DGKD: variants seen among roughly 807,000 people sequenced by gnomAD.
The protein encoded by DGKD is DAG kinase delta.
DGKD carries 68 observed loss-of-function variants against 154.4 expected under a neutral mutation model. That is an observed-to-expected ratio of 0.44 (90% CI 0.36 to 0.54). DGKD has a LOEUF of 0.54. DGKD is among the 20% of genes least tolerant of loss of function. The probability of loss-of-function intolerance (pLI) is 0.00; values close to 1 mark genes in which losing one functional copy is unlikely to be tolerated. For synonymous variants in DGKD, 693 were observed against 638.0 expected (o/e 1.09, Z -1.30); for missense variants, 1,343 against 1,593.6 (o/e 0.84, Z 2.68).
intron 2 of DGKD, 77 bp downstream of exon 2, chr2:233,388,444 C>T: frequency 7.2e-7 from 1 of 1,391,488 alleles, no homozygotes; most frequent in Non-Finnish European, 9.8e-7. Flanking sequence ...GGTGCTGAGT[C>T]CTTGTGTGGG....
At chr2:233,380,749 G>T (rs77644083) in intron 1 of DGKD, among the ~76,000 whole-genome samples, 3,871 of 152,274 alleles carry the variant, frequency 0.025, 85 homozygotes, top group Middle Eastern at 0.041. Flanking sequence ...AGGAAAGTGG[G>T]TGTGAACTCC....
chr2:233,394,690 C>CTTTTTT lies in DGKD; in HGVS notation c.348+4207_348+4208insTTTTTT, dbSNP rs1703879704. Among the ~76,000 whole-genome samples, 113 of 83,228 alleles carry CTTTTTT rather than the reference C, an allele frequency of 1.4e-3. 12 individuals are homozygous for CTTTTTT. The highest frequency in any genetic ancestry group is 3.6e-3 in the African/African-American group (82 of 22,676). 54.6% of individuals were successfully genotyped at this position (83,228 alleles called of 152,430 possible). A position where few individuals can be genotyped will look rare whatever the true frequency, so the allele number is the denominator to read the frequency against. ...TTCCTTATTATTTTGAATTTAATTCCCTTTTTTTTTTTTTTTTTTTTTTTT... is the reference window on the plus strand; with the variant it reads ...TTCCTTATTATTTTGAATTTAATTCCTTTTTTCTTTTTTTTTTTTTTTTTTTTTTTT... On this transcript the variant is annotated intron_variant, in intron 3 of 29. Coordinates refer to ENST00000264057, the MANE Select transcript of DGKD (RefSeq NM_152879.3).
intron 18 of DGKD, among the ~76,000 whole-genome samples, chr2:233,453,858 A>T (rs2063371286): frequency 6.6e-6 from 1 of 152,216 alleles, no homozygotes; most frequent in Non-Finnish European, 1.5e-5. Context: ...CGTCTGTCGC[A>T]CACGGGGAAA....
chr2:233,383,937 A>T (rs1384716143), intron 1 of DGKD, among the ~76,000 whole-genome samples: 1 of 152,194 alleles, frequency 6.6e-6, no homozygotes, highest in African/African-American at 2.4e-5. Context: ...CAGGTGAATG[A>T]TGGAGGGGAG....
intron 3 of DGKD, among the ~76,000 whole-genome samples, chr2:233,401,188 TG>T (rs1394811571): frequency 6.6e-6 from 1 of 152,012 alleles, no homozygotes; most frequent in East Asian, 1.9e-4. Flanking sequence ...ATCTGAGAAA[TG>T]GGGCTAGTAA....
At chr2:233,385,254 T>C (rs960408676) in intron 1 of DGKD, among the ~76,000 whole-genome samples, 6 of 152,202 alleles carry the variant, frequency 3.9e-5, no homozygotes, top group African/African-American at 1.4e-4. Context: ...GTCTTGGACC[T>C]GTGGGCTGGG....
chr2:233,412,813 CA>C (rs959099764), intron 3 of DGKD, among the ~76,000 whole-genome samples: 2 of 152,122 alleles, frequency 1.3e-5, no homozygotes, highest in Non-Finnish European at 2.9e-5. Context: ...TGAATTTTGT[CA>C]AATGCTTTTC....
intron 7 of DGKD, among the ~76,000 whole-genome samples, chr2:233,436,906 G>A (rs2062716452): frequency 6.6e-6 from 1 of 152,238 alleles, no homozygotes; most frequent in Non-Finnish European, 1.5e-5. Context: ...GTGGTGAGAT[G>A]TGCTTCCAGG....
At chr2:233,462,138 C>T (rs1038776699) in intron 24 of DGKD, among the ~76,000 whole-genome samples, 8 of 152,218 alleles carry the variant, frequency 5.3e-5, no homozygotes, top group African/African-American at 1.2e-4. Flanking sequence ...TCAGATTTCT[C>T]GTGGAAGCCC....
chr2:233,433,483 CA>C (rs958201329), intron 3 of DGKD, among the ~76,000 whole-genome samples: 2 of 151,368 alleles, frequency 1.3e-5, no homozygotes, highest in African/African-American at 4.9e-5. Flanking sequence ...TTAATAGGTA[CA>C]AAAATGTAGT....
chr2:233,468,326 C>A, intron 28 of DGKD, 97 bp from the exon 29 acceptor site: 2 of 1,492,878 alleles, frequency 1.3e-6, no homozygotes, highest in South Asian at 1.2e-5. Context: ...CGTCTCCTGT[C>A]CTGGCACTGG....
At chr2:233,429,020 C>A in intron 3 of DGKD, 1 of 654,606 alleles carries the variant, frequency 1.5e-6, no homozygotes, top group Non-Finnish European at 1.9e-6. Flanking sequence ...TCTTAACTCA[C>A]TGTCTTTAAA....
chr2:233,433,345 G>C (rs2062590378), intron 3 of DGKD, among the ~76,000 whole-genome samples: 1 of 151,730 alleles, frequency 6.6e-6, no homozygotes, highest in Non-Finnish European at 1.5e-5. Context: ...AGCACAGAAA[G>C]ACAAACTTCA....
Position 233,438,177 on chromosome 2 carries a change from C to T in DGKD, c.923-40C>T, listed in dbSNP as rs756637814. On this transcript the variant is annotated intron_variant, in intron 8 of 29. Coordinates refer to ENST00000264057, the MANE Select transcript of DGKD (RefSeq NM_152879.3). This position sits in a 1 kb window ranked among gnomAD's most constrained non-coding sequence, Gnocchi z 4.1. Reference sequence around the variant, plus strand: ...CATCAGTGGTGCCCTCAGCGTCTTCCGTGGCCTATATATTTTCTTCTGTTC... The same window carrying T: ...CATCAGTGGTGCCCTCAGCGTCTTCTGTGGCCTATATATTTTCTTCTGTTC... 3.7e-6 allele frequency: 6 copies of T among 1,604,652 alleles called. No homozygotes were observed. The highest frequency in any genetic ancestry group is 4.5e-5 in the East Asian group (2 of 44,688).
chr2:233,369,742 T>C (rs1702217154), intron 1 of DGKD, among the ~76,000 whole-genome samples: 1 of 152,182 alleles, frequency 6.6e-6, no homozygotes, highest in African/African-American at 2.4e-5. Flanking sequence ...TCTCTGCTGC[T>C]CTGGGCGGGC....
At chr2:233,465,356 C>T (rs563666077) in intron 27 of DGKD, among the ~76,000 whole-genome samples, 1 of 152,260 alleles carries the variant, frequency 6.6e-6, no homozygotes, top group African/African-American at 2.4e-5. Flanking sequence ...GGGAAGAGGA[C>T]ATGGACGGGG....
At chr2:233,450,772 C>G (rs1233666851) in intron 16 of DGKD, 150 bp from the exon 17 acceptor site, 1 of 979,512 alleles carries the variant, frequency 1.0e-6, no homozygotes, top group Non-Finnish European at 1.5e-6. Flanking sequence ...TCCTCCGCCC[C>G]CTTCTTTGTC....
intron 3 of DGKD, among the ~76,000 whole-genome samples, chr2:233,401,383 G>A (rs55865137): frequency 0.31 from 47,537 of 152,024 alleles, 8,412 homozygotes; most frequent in Middle Eastern, 0.44. Flanking sequence ...TTTTCTTCTA[G>A]TTTGGTGTAC....
intron 12 of DGKD, among the ~76,000 whole-genome samples, chr2:233,447,048 G>A (rs372363576): frequency 6.6e-6 from 1 of 152,184 alleles, no homozygotes; most frequent in Non-Finnish European, 1.5e-5. Flanking sequence ...GTGGTGGGGT[G>A]GTCCTCCTAA....
Sources: gnomAD v4.1 joint callset for allele counts (sites outside exome capture counted in the v4.1 genomes callset) on GRCh38, gnomAD v4.1.1 for gene constraint, Gnocchi (gnomAD v3.1) non-coding constraint, MANE v1.5 for transcripts, NCBI Gene and HGNC (gene_info 2026-07-23, HGNC 2026-07-21) for gene names.